Variants in FCN1 observed in about 807,000 individuals in gnomAD.
The protein encoded by FCN1 is ficolin-1.
A neutral mutation model predicts 35.6 loss-of-function variants in FCN1; 42 were observed. The ratio of observed to expected loss-of-function variants is 1.18; its 90% confidence interval spans 0.92 to 1.53. The LOEUF (loss-of-function observed/expected upper bound fraction) is 1.53, where lower values mean the gene tolerates loss of function less well. Ranked by LOEUF, FCN1 falls within the 40% of genes most tolerant of loss-of-function variation. The pLI is 0.00. For missense variants in FCN1, 439 were observed against 428.4 expected (o/e 1.02, Z -0.22); for synonymous variants, 179 against 169.8 (o/e 1.05, Z -0.42).
In FCN1 at chr9:134,904,141, C is replaced by G. The variant is rs181892836; in HGVS notation, c.*5657G>C. 6.6e-5 allele frequency among the ~76,000 whole-genome samples: 10 copies of G among 152,212 alleles called. No homozygotes were observed. The highest frequency in any genetic ancestry group is 2.2e-4 in the African/African-American group (9 of 41,536). On this transcript the variant is annotated 3_prime_UTR_variant, in exon 9 of 9. Transcript: ENST00000371806. ...AGCATTTTTCAAAACTCATGAAAGA[C>G]ATCAAGTCACAGATTCTATGAACCC...
In FCN1 at chr9:134,909,411, A is replaced by C; in HGVS notation, c.*387T>G. On this transcript the variant is annotated 3_prime_UTR_variant, in exon 9 of 9. Coordinates refer to ENST00000371806, the MANE Select transcript of FCN1 (RefSeq NM_002003.5). ...CCCTGTGTCAATTACTGGAGGTGGA[A>C]AATCCTCGCAAAAGTCACTCAACCT... 1 of 1,290,310 alleles carries C rather than the reference A, an allele frequency of 7.8e-7. No homozygotes were observed. 79.9% of individuals were successfully genotyped at this position (1,290,310 alleles called of 1,614,324 possible). A position where few individuals can be genotyped will look rare whatever the true frequency, so the allele number is the denominator to read the frequency against.
chr9:134,904,873 A>G lies in FCN1; in HGVS notation c.*4925T>C, dbSNP rs1232938968. Among the ~76,000 whole-genome samples the G allele has an allele frequency of 6.6e-6, 1 of 152,180 alleles. No homozygotes were observed. Among genetic ancestry groups the G allele is most frequent in the Non-Finnish European group, 1.5e-5 (1 of 68,030 alleles). The stretch of plus-strand genomic sequence containing the variant: ...AAAATAATAATAATAATAAAATAGA[A>G]GAAGGAATAAAGGGCAACATAAAGT... On this transcript the variant is annotated 3_prime_UTR_variant, in exon 9 of 9. Transcript: ENST00000371806.
intron 1 of FCN1, 122 bp from the exon 2 acceptor site, chr9:134,916,583 T>A: frequency 1.1e-6 from 1 of 944,760 alleles, no homozygotes; most frequent in Non-Finnish European, 1.7e-6. Context: ...GGCGGAGATG[T>A]GATGGGGGGC....
rs1399125362 is a variant in FCN1, at chr9:134,910,151, G to T, written c.734-106C>A. On this transcript the variant is annotated intron_variant, in intron 8 of 8. Coordinates refer to ENST00000371806, the MANE Select transcript of FCN1 (RefSeq NM_002003.5). ...GCAGAGCCAACCTCACTTTAGCGAC[G>T]CATGAGCCGAGCTACAGGTGCACAA... is the stretch of plus-strand genomic sequence containing the variant. The T allele has an allele frequency of 7.4e-6, 8 of 1,073,844 alleles. No homozygotes were observed. The East Asian group carries it at 9.5e-5, about 13-fold the overall frequency. The allele number at this position is 1,073,844 out of a possible 1,614,324, so 66.5% of individuals were successfully genotyped here. A position where few individuals can be genotyped will look rare whatever the true frequency, so the allele number is the denominator to read the frequency against.
In FCN1 at chr9:134,907,187, T is replaced by C. The variant is rs1830965770; in HGVS notation, c.*2611A>G. ...CTTAAAGCTAAGTCTTCCTAGGTTGTAAAAATGCTTACCTACTGAGGGACG... is the reference window on the plus strand; with the variant it reads ...CTTAAAGCTAAGTCTTCCTAGGTTGCAAAAATGCTTACCTACTGAGGGACG... On this transcript the variant is annotated 3_prime_UTR_variant, in exon 9 of 9. Coordinates refer to ENST00000371806, the MANE Select transcript of FCN1 (RefSeq NM_002003.5). 6.6e-6 allele frequency: 1 copy of C among 152,232 alleles called. No homozygotes were observed. Among genetic ancestry groups the C allele is most frequent in the Non-Finnish European group, 1.5e-5 (1 of 68,052 alleles). The allele number at this position is 152,232 out of a possible 1,614,324, so 9.4% of individuals were successfully genotyped here.
chr9:134,914,396 C>T lies in FCN1; in HGVS notation c.296G>A (p.Arg99His), dbSNP rs146517825. The T allele has an allele frequency of 3.8e-5, 62 of 1,613,996 alleles. No homozygotes were observed. Among genetic ancestry groups the T allele is most frequent in the African/African-American group, 2.7e-4 (20 of 74,926 alleles). ...PKGDRGEKGM[R>H]GEKGDAGQSQ... is the part of the protein sequence containing the mutation. Reference sequence around the variant, plus strand: ...CACGGGTGGCTCACCTTTCTCTCCACGCATCCCCTTCTCTCCTCGGTCTCC... The same window carrying T: ...CACGGGTGGCTCACCTTTCTCTCCATGCATCCCCTTCTCTCCTCGGTCTCC... Residue 99 changes from arginine (R) to histidine (H), a missense_variant, in exon 4 of 9, where the codon CGT becomes CAT. By Grantham distance (29) the Arg-to-His change is conservative. Transcript: ENST00000371806.
At position 134,905,520 on chromosome 9, in the gene FCN1, G is replaced by A. The variant is rs1191860183; in HGVS notation, c.*4278C>T. Among the ~76,000 whole-genome samples the A allele has an allele frequency of 6.6e-6, 1 of 152,034 alleles. No homozygotes were observed. Among genetic ancestry groups the A allele is most frequent in the Non-Finnish European group, 1.5e-5 (1 of 68,008 alleles). On this transcript the variant is annotated 3_prime_UTR_variant, in exon 9 of 9. Coordinates refer to ENST00000371806, the MANE Select transcript of FCN1 (RefSeq NM_002003.5). ...TTATTTTGAGACAGAGTCTCGCTCT[G>A]TCGCCCAGGCTGGAGTGCAGTGGTG...
Position 134,912,675 on chromosome 9 carries a change from G to A in FCN1, c.469-60C>T, listed in dbSNP as rs574736492. ...CAGGCCGAGGTCCCACAGCACCGGGGACCCGCCCTCCAGAGGAGCAGCATT... is the reference window on the plus strand; with the variant it reads ...CAGGCCGAGGTCCCACAGCACCGGGAACCCGCCCTCCAGAGGAGCAGCATT... On this transcript the variant is annotated intron_variant, in intron 6 of 8. Transcript: ENST00000371806. 215 of 1,610,324 alleles carry A rather than the reference G, an allele frequency of 1.3e-4. 1 individual carries two copies. The East Asian group carries it at 4.6e-3, about 34-fold the overall frequency.
chr9:134,913,461 A>AC lies in FCN1; in HGVS notation c.340+119_340+120insG, dbSNP rs1831051911. ...TAGCTGCCCATTACTCGAGTGATTG[A>AC]GGGGGGGATGATAGGTGCAGACAGG... On this transcript the variant is annotated intron_variant, in intron 5 of 8. Transcript: ENST00000371806. 37 of 762,682 alleles carry AC rather than the reference A, an allele frequency of 4.9e-5. No homozygotes were observed. The South Asian group carries it at 6.1e-4, about 13-fold the overall frequency. The allele number at this position is 762,682 out of a possible 1,614,324, so 47.2% of individuals were successfully genotyped here.
rs1317287297 is a variant in FCN1, at chr9:134,905,822, T to TTCTTCC, written c.*3970_*3975dup. The TTCTTCC allele has an allele frequency of 0.037, 1,393 of 37,916 alleles. 230 individuals are homozygous for TTCTTCC. Among genetic ancestry groups the TTCTTCC allele is most frequent in the Middle Eastern group, 0.038 (4 of 104 alleles). The allele number at this position is 37,916 out of a possible 1,614,324, so 2.3% of individuals were successfully genotyped here. ...CTTCTTCTTCTTCCTCTTCTTCTTC[T>TTCTTCC]TCTTCCTCTTCCTCTTCCTCTTCCT... On this transcript the variant is annotated 3_prime_UTR_variant, in exon 9 of 9. Transcript: ENST00000371806.
rs1564218835 is a variant in FCN1, at chr9:134,912,508, G to A, written c.576C>T (p.Asn192=). Residue 192 remains asparagine (N), a synonymous_variant, in exon 7 of 9, where the codon AAC becomes AAT. Transcript: ENST00000371806. ...QLGEFWLGND[N]IHALTAQGSS... ...TACCCTGGGCAGTCAGGGCGTGGAT[G>A]TTGTCATTCCCCAGCCAGAACTCCC... The A allele has an allele frequency of 1.2e-6, 2 of 1,614,068 alleles. No homozygotes were observed. Among genetic ancestry groups the A allele is most frequent in the Non-Finnish European group, 1.7e-6 (2 of 1,179,964 alleles).
intron 2 of FCN1, 68 bp from the exon 3 acceptor site, chr9:134,914,877 C>T: frequency 7.5e-7 from 1 of 1,333,986 alleles, no homozygotes; most frequent in Non-Finnish European, 1.1e-6. Context: ...AAATCTTTGC[C>T]CCAAGTGGTT....
In FCN1 at chr9:134,912,622, A is replaced by G; in HGVS notation, c.469-7T>C. On this transcript the variant is annotated splice_polypyrimidine_tract_variant and splice_region_variant and intron_variant, in intron 6 of 8. Coordinates refer to ENST00000371806, the MANE Select transcript of FCN1 (RefSeq NM_002003.5). ...CCATCCTCCGCTGGAAAACCTGTGAAGAAGCCAGGATACAGAGTTAGGCGG... is the reference window on the plus strand; with the variant it reads ...CCATCCTCCGCTGGAAAACCTGTGAGGAAGCCAGGATACAGAGTTAGGCGG... 1 of 1,614,164 alleles carries G rather than the reference A, an allele frequency of 6.2e-7. No homozygotes were observed. The highest frequency in any genetic ancestry group is 8.5e-7 in the Non-Finnish European group (1 of 1,179,988).
At position 134,910,027 on chromosome 9, in the gene FCN1, T is replaced by C. The variant is rs1831003452; in HGVS notation, c.752A>G (p.His251Arg). 3.7e-6 allele frequency: 6 copies of C among 1,614,096 alleles called. No individual in the cohort carries two copies. Among genetic ancestry groups the C allele is most frequent in the Non-Finnish European group, 5.1e-6 (6 of 1,179,990 alleles). ...GGSAGNSLTG[H>R]NNNFFSTKDQ... ...TTTGGTGGAGAAGAAGTTGTTGTTG[T>C]GGCCCGTTAGAGAATTACCTGCTCA... Residue 251 changes from histidine (H) to arginine (R), a missense_variant, in exon 9 of 9, where the codon CAC (histidine) becomes CGC (arginine). Physicochemically the swap from His to Arg is conservative, Grantham distance 29. Coordinates refer to ENST00000371806, the MANE Select transcript of FCN1 (RefSeq NM_002003.5).
intron 4 of FCN1, 86 bp from the exon 5 acceptor site, chr9:134,913,699 T>C (rs1228308033): frequency 9.6e-7 from 1 of 1,045,070 alleles, no homozygotes; most frequent in South Asian, 1.6e-5. Context: ...GAGCACAGAA[T>C]AGAGAATGGG....
At chr9:134,914,965 G>T (rs1176671769) in intron 2 of FCN1, among the ~76,000 whole-genome samples, 156 bp from the exon 3 acceptor site, 2 of 152,102 alleles carry the variant, frequency 1.3e-5, no homozygotes, top group Non-Finnish European at 2.9e-5. Context: ...CATGGATTTA[G>T]CCTGGGGGTG....
chr9:134,910,017 G>C lies in FCN1; in HGVS notation c.762C>G (p.Asn254Lys). ...AGNSLTGHNN[N>K]FFSTKDQDND... The stretch of plus-strand genomic sequence containing the variant: ...TGTCTTGGTCTTTGGTGGAGAAGAA[G>C]TTGTTGTTGTGGCCCGTTAGAGAAT... Residue 254 changes from asparagine (N) to lysine (K), a missense_variant, in exon 9 of 9, where the codon AAC becomes AAG. Transcript: ENST00000371806. 1.2e-6 allele frequency: 2 copies of C among 1,614,098 alleles called. No homozygotes were observed. The highest frequency in any genetic ancestry group is 1.7e-6 in the Non-Finnish European group (2 of 1,179,976).
chr9:134,909,704 T>C lies in FCN1; in HGVS notation c.*94A>G. 1.9e-6 allele frequency: 3 copies of C among 1,596,194 alleles called. No individual in the cohort carries two copies. Among genetic ancestry groups the C allele is most frequent in the Non-Finnish European group, 2.5e-6 (3 of 1,177,436 alleles). On this transcript the variant is annotated 3_prime_UTR_variant, in exon 9 of 9. Coordinates refer to ENST00000371806, the MANE Select transcript of FCN1 (RefSeq NM_002003.5). ...GGCAGCTGTGGGCGTCATGGGAGTG[T>C]GTCTGGCTGGGGAAATGGGGTGACT...
chr9:134,913,267 G>C (rs1269586230), intron 5 of FCN1, 124 bp from the exon 6 acceptor site: 2 of 1,344,668 alleles, frequency 1.5e-6, no homozygotes, highest in East Asian at 2.5e-5. Context: ...GCAGGACTCC[G>C]AGGCCTGGAC....
Sources: allele counts gnomAD v4.1 joint callset (sites outside exome capture counted in the v4.1 genomes callset), GRCh38; gene constraint gnomAD v4.1.1; transcripts MANE v1.5; gene names NCBI Gene and HGNC (gene_info 2026-07-23, HGNC 2026-07-21).